The following MDH1 variants were observed in gnomAD, a reference collection of about 807,000 sequenced individuals.
MDH1 encodes the protein malate dehydrogenase, cytoplasmic.
Under a neutral mutation model 38.7 loss-of-function variants are expected in MDH1, and 15 were observed. That is an observed-to-expected ratio of 0.39 (90% CI 0.26 to 0.60). The LOEUF (loss-of-function observed/expected upper bound fraction) is 0.60. Among genes scored for constraint, MDH1 ranks in the 20% least tolerant of loss-of-function variants. The probability of loss-of-function intolerance (pLI) is 0.56; values close to 1 mark genes in which losing one functional copy is unlikely to be tolerated. For missense variants in MDH1, 368 were observed against 405.2 expected (o/e 0.91, Z 0.79); for synonymous variants, 144 against 143.6 (o/e 1.00, Z -0.02).
At position 63,607,149 on chromosome 2, in the gene MDH1, T is replaced by C. The variant is rs185518449; in HGVS notation, c.*162T>C. 833 of 553,528 alleles carry C rather than the reference T, an allele frequency of 1.5e-3. 5 individuals carry two copies. The highest frequency in any genetic ancestry group is 5.6e-3 in the South Asian group (217 of 38,892). The allele number at this position is 553,528 out of a possible 1,614,324, so 34.3% of individuals were successfully genotyped here. On this transcript the variant is annotated 3_prime_UTR_variant, in exon 9 of 9. Transcript: ENST00000233114. ...GTACAGGTTTGTGAATGACAGTTTA[T>C]CGTCATGCTGTTAGTGTGCATTCTA...
intron 4 of MDH1, among the ~76,000 whole-genome samples, chr2:63,598,452 A>C (rs1183041168): frequency 6.6e-6 from 1 of 152,170 alleles, no homozygotes; most frequent in Non-Finnish European, 1.5e-5. Context: ...TTAGTGAACT[A>C]TCAATTAACT....
intron 3 of MDH1, 22 bp from the exon 4 acceptor site, chr2:63,597,377 G>C: frequency 7.4e-7 from 1 of 1,344,594 alleles, no homozygotes; most frequent in South Asian, 2.5e-5. Flanking sequence ...GTAGCTCTGC[G>C]TATTTATTGC....
At chr2:63,606,179 C>T in intron 8 of MDH1, 151 bp downstream of exon 8, 1 of 721,246 alleles carries the variant, frequency 1.4e-6, no homozygotes. Flanking sequence ...CCCAGGAGTT[C>T]AAGACCAGCC....
At position 63,588,985 on chromosome 2, in the gene MDH1, G is replaced by T; in HGVS notation, c.-59G>T. 1.2e-6 allele frequency: 2 copies of T among 1,613,818 alleles called. No individual in the cohort carries two copies. The highest frequency in any genetic ancestry group is 1.3e-5 in the African/African-American group (1 of 75,054). ...TCCGAGTCAGTTCCGCGGTAGAGGT[G>T]ACCTGACTCTCTGAGGCTCATTTTG... is the stretch of plus-strand genomic sequence containing the variant. On this transcript the variant is annotated 5_prime_UTR_variant, in exon 1 of 9. Coordinates refer to ENST00000233114, the MANE Select transcript of MDH1 (RefSeq NM_005917.4).
rs1278987855 is a variant in MDH1 at position 63,590,538 on chromosome 2, A to T, written c.3+1492A>T. 6.6e-5 allele frequency: 10 copies of T among 152,226 alleles called. No individual in the cohort carries two copies. The East Asian group carries it at 1.2e-3, about 18-fold the overall frequency. The allele number at this position is 152,226 out of a possible 1,614,324, so 9.4% of individuals were successfully genotyped here. On this transcript the variant is annotated intron_variant, in intron 1 of 8. Coordinates refer to ENST00000233114, the MANE Select transcript of MDH1 (RefSeq NM_005917.4). ...ATACAAACTCAAATATGTTATCAGC[A>T]TGTAGATTACTTGATAGCTTTATTC...
chr2:63,599,118 TA>T, intron 4 of MDH1, 51 bp from the exon 5 acceptor site: 5 of 1,553,888 alleles, frequency 3.2e-6, no homozygotes, highest in Non-Finnish European at 4.4e-6. Flanking sequence ...TAACATAGAT[TA>T]GTTAGTAACT....
intron 8 of MDH1, among the ~76,000 whole-genome samples, chr2:63,606,638 TA>T (rs1296907895): frequency 6.6e-6 from 1 of 152,124 alleles, no homozygotes; most frequent in Non-Finnish European, 1.5e-5. Flanking sequence ...ATAACTGTGC[TA>T]AAGTCAGTCA....
chr2:63,589,717 A>T (rs1575717152), intron 1 of MDH1, among the ~76,000 whole-genome samples: 1 of 152,184 alleles, frequency 6.6e-6, no homozygotes, highest in South Asian at 2.1e-4. Context: ...AATGTAACAG[A>T]GTAACCATTT....
chr2:63,606,323 G>A (rs1052279943), intron 8 of MDH1, among the ~76,000 whole-genome samples: 2 of 152,176 alleles, frequency 1.3e-5, no homozygotes, highest in African/African-American at 4.8e-5. Context: ...CAAGGCTGCA[G>A]TGAACCATGA....
chr2:63,596,748 G>A (rs148942338), intron 3 of MDH1, among the ~76,000 whole-genome samples: 10 of 152,250 alleles, frequency 6.6e-5, no homozygotes, highest in East Asian at 1.9e-4. Context: ...AAAGAAGTGC[G>A]ATGACTTATG....
chr2:63,604,444 A>G (rs1455193291), intron 5 of MDH1, among the ~76,000 whole-genome samples: 1 of 152,176 alleles, frequency 6.6e-6, no homozygotes, highest in African/African-American at 2.4e-5. Flanking sequence ...TTAACCACAA[A>G]CTATGGGATG....
intron 5 of MDH1, among the ~76,000 whole-genome samples, chr2:63,603,010 A>G (rs1428575745): frequency 1.6e-5 from 2 of 123,806 alleles, no homozygotes; most frequent in African/African-American, 6.2e-5. Flanking sequence ...CCTAGGCTGG[A>G]GTGCAATGGC....
chr2:63,605,281 C>T lies in MDH1; in HGVS notation c.677C>T (p.Thr226Ile). Residue 226 changes from threonine (T) to isoleucine (I), a missense_variant and splice_region_variant, in exon 7 of 9, where the codon ACT becomes ATT. Transcript: ENST00000233114. ...TGCCTTCACCTGCCCCCTTCCCAGA[C>T]TGTGCAGCAGCGTGGCGCTGCTGTC... ...DSWLKGEFVT[T>I]VQQRGAAVIK... 6.2e-7 allele frequency: 1 copy of T among 1,604,822 alleles called. No individual in the cohort carries two copies. Among genetic ancestry groups the T allele is most frequent in the Non-Finnish European group, 8.5e-7 (1 of 1,171,646 alleles).
chr2:63,607,012 T>C lies in MDH1; in HGVS notation c.*25T>C. On this transcript the variant is annotated 3_prime_UTR_variant, in exon 9 of 9. Transcript: ENST00000233114. Reference sequence around the variant, plus strand: ...ACTAGACAATGATGTTACTAAATGCTTCAAAGCTGAAGAATCTAAATGTCG... The same window carrying C: ...ACTAGACAATGATGTTACTAAATGCCTCAAAGCTGAAGAATCTAAATGTCG... The C allele has an allele frequency of 6.3e-7, 1 of 1,594,724 alleles. No homozygotes were observed. Among genetic ancestry groups the C allele is most frequent in the African/African-American group, 1.3e-5 (1 of 74,092 alleles).
intron 1 of MDH1, chr2:63,593,711 TCTAA>T (rs1433884058): frequency 2.5e-5 from 12 of 471,160 alleles, no homozygotes; most frequent in Non-Finnish European, 5.3e-5. Context: ...AATTTTTCTG[TCTAA>T]CTAAACCTAC....
intron 3 of MDH1, 116 bp downstream of exon 3, chr2:63,595,635 T>C: frequency 3.0e-6 from 2 of 668,040 alleles, no homozygotes; most frequent in Non-Finnish European, 5.3e-6. Flanking sequence ...GATTTTTTTA[T>C]TTTGAACTAC....
chr2:63,596,905 T>C (rs1709323497), intron 3 of MDH1, among the ~76,000 whole-genome samples: 1 of 152,238 alleles, frequency 6.6e-6, no homozygotes, highest in Non-Finnish European at 1.5e-5. Flanking sequence ...AGTGTCTCCA[T>C]CTATAAAATC....
intron 1 of MDH1, among the ~76,000 whole-genome samples, chr2:63,592,877 C>A (rs1181924545): frequency 1.3e-5 from 2 of 151,988 alleles, no homozygotes; most frequent in African/African-American, 2.4e-5. Context: ...ATCTCGTATT[C>A]TAAAGGGAAA....
At chr2:63,605,532 C>T (rs550873582) in intron 7 of MDH1, 139 bp downstream of exon 7, 36 of 663,138 alleles carry the variant, frequency 5.4e-5, no homozygotes, top group South Asian at 4.3e-4. Context: ...AAGTAAACTT[C>T]GGGGTTTGTT....
Sources: allele counts gnomAD v4.1 joint callset (sites outside exome capture counted in the v4.1 genomes callset), GRCh38; gene constraint gnomAD v4.1.1; transcripts MANE v1.5; gene names NCBI Gene and HGNC (gene_info 2026-07-23, HGNC 2026-07-21).